ADARB2: variants seen among roughly 807,000 people sequenced by gnomAD.
ADARB2 encodes inactive double-stranded RNA-specific editase B2.
In ADARB2, 25 loss-of-function variants were observed where a neutral mutation model predicts 62.2. That is an observed-to-expected ratio of 0.40 (90% confidence interval 0.29 to 0.56). The LOEUF is 0.56. Ranked by LOEUF, ADARB2 falls within the 20% of genes least tolerant of loss-of-function variation. ADARB2 has a pLI of 0.43. For missense variants in ADARB2, 1,071 were observed against 1,077.4 expected, an observed-to-expected ratio of 0.99 and a Z score of 0.08; for synonymous variants, 572 against 500.8, an observed-to-expected ratio of 1.14 and a Z score of -1.90.
rs1273036707 is a variant in ADARB2, at chr10:1,675,147, CAGGG to C, written c.100+61900_100+61903del. 2.6e-4 allele frequency: 249 copies of C among 969,844 alleles called. 6 individuals are homozygous for C. The African/African-American group carries it at 4.4e-3, about 17-fold the overall frequency. The allele number at this position is 969,844 out of a possible 1,614,324, so 60.1% of individuals were successfully genotyped here. Reference sequence around the variant, plus strand: ...CATGGATGTTCTGGAGGTTTAGGTTCAGGGATGCATGGAAGTTCTGGAGGTTTGG... The same window carrying C: ...CATGGATGTTCTGGAGGTTTAGGTTCATGCATGGAAGTTCTGGAGGTTTGG... On this transcript the variant is annotated intron_variant, in intron 1 of 9. Coordinates refer to ENST00000381312, the MANE Select transcript of ADARB2 (RefSeq NM_018702.4).
chr10:1,332,345 G>A (rs1198803263), intron 3 of ADARB2, among the ~76,000 whole-genome samples: 1 of 151,924 alleles, frequency 6.6e-6, no homozygotes, highest in Non-Finnish European at 1.5e-5. Flanking sequence ...GAGCCCGGGA[G>A]GTTGAGGCTG....
In ADARB2 at chr10:1,388,533, G is replaced by A. The variant is rs187150178; in HGVS notation, c.101-9373C>T. Among the ~76,000 whole-genome samples the A allele has an allele frequency of 1.1e-3, 172 of 152,202 alleles. 1 individual carries two copies. The Middle Eastern group carries it at 0.034, about 30-fold the overall frequency. ...GTGAATTCAGCAAGGTCACAGGACA[G>A]AACTCCAATACACAAAAGTCTACAT... On this transcript the variant is annotated intron_variant, in intron 1 of 9. Coordinates refer to ENST00000381312, the MANE Select transcript of ADARB2 (RefSeq NM_018702.4).
At chr10:1,265,901 C>A (rs1351021357) in intron 4 of ADARB2, among the ~76,000 whole-genome samples, 1 of 113,018 alleles carries the variant, frequency 8.8e-6, no homozygotes, top group Admixed American at 8.4e-5. Flanking sequence ...CAGGGTCCCC[C>A]GGAAGACGGC....
chr10:1,474,815 G>A (rs1002994328), intron 1 of ADARB2, among the ~76,000 whole-genome samples: 3 of 152,196 alleles, frequency 2.0e-5, no homozygotes, highest in Non-Finnish European at 4.4e-5. Flanking sequence ...AAACGCCTGT[G>A]TAAGAGTGCT....
chr10:1,450,520 G>C (rs1831023006), intron 1 of ADARB2, among the ~76,000 whole-genome samples: 1 of 152,202 alleles, frequency 6.6e-6, no homozygotes, highest in Admixed American at 6.5e-5. Context: ...TCGCCCCCTT[G>C]GATCTGTCAC....
rs1457424329 is a variant in ADARB2 at position 1,185,123 on chromosome 10, G to A, written c.1865-84C>T. On this transcript the variant is annotated intron_variant, in intron 8 of 9. Coordinates refer to ENST00000381312, the MANE Select transcript of ADARB2 (RefSeq NM_018702.4). ...CCAAGGGCAGCTGCGGGGAAATGGA[G>A]CCTGTATGTGAGTGGGAATGGTCCT... is the stretch of plus-strand genomic sequence containing the variant. 11 of 1,470,888 alleles carry A rather than the reference G, an allele frequency of 7.5e-6. No individual in the cohort carries two copies. The East Asian group carries it at 2.4e-4, about 32-fold the overall frequency. The allele number at this position is 1,470,888 out of a possible 1,614,324, so 91.1% of individuals were successfully genotyped here. A position where few individuals can be genotyped will look rare whatever the true frequency, so the allele number is the denominator to read the frequency against.
At chr10:1,287,833 G>C (rs563114875) in intron 3 of ADARB2, among the ~76,000 whole-genome samples, 4 of 152,338 alleles carry the variant, frequency 2.6e-5, no homozygotes, top group African/African-American at 7.2e-5. Flanking sequence ...TATGCCGTCG[G>C]CTGTGTGGCC....
chr10:1,184,874 C>G lies in ADARB2; in HGVS notation c.2030G>C (p.Arg677Pro), dbSNP rs202198509. The G allele has an allele frequency of 1.9e-6, 3 of 1,613,226 alleles. No homozygotes were observed. Among genetic ancestry groups the G allele is most frequent in the East Asian group, 2.2e-5 (1 of 44,858 alleles). The part of the protein sequence containing the change: ...CKHVLSARWA[R>P]LYGRLSTRTP... ...GGTGCGACCTACCCTGCCATACAGC[C>G]GCGCCCACCGTGCAGACAGCACGTG... The change falls in exon 9 of 10, where the codon CGG becomes CCG. Residue 677 changes from arginine (R) to proline (P), a missense_variant. Arg to Pro is a moderately radical substitution (Grantham distance 103, BLOSUM62 -2). Coordinates refer to ENST00000381312, the MANE Select transcript of ADARB2 (RefSeq NM_018702.4).
chr10:1,377,494 T>C (rs895353639), intron 2 of ADARB2, among the ~76,000 whole-genome samples: 4 of 150,342 alleles, frequency 2.7e-5, no homozygotes, highest in Admixed American at 6.6e-5. Context: ...CATGTGTGTG[T>C]GCGCTCCTGG....
chr10:1,437,243 C>T (rs374511307), intron 1 of ADARB2, among the ~76,000 whole-genome samples: 8 of 102,978 alleles, frequency 7.8e-5, no homozygotes, highest in African/African-American at 2.7e-4. Flanking sequence ...CACACACACA[C>T]ATATATATAC....
At chr10:1,553,697 A>G (rs995136053) in intron 1 of ADARB2, among the ~76,000 whole-genome samples, 1 of 152,184 alleles carries the variant, frequency 6.6e-6, no homozygotes, top group African/African-American at 2.4e-5. Flanking sequence ...AAGCCTAAAA[A>G]TACATGCTTT....
chr10:1,354,049 C>T (rs7919065), intron 3 of ADARB2, among the ~76,000 whole-genome samples: 11,292 of 152,094 alleles, frequency 0.074, 766 homozygotes, highest in African/African-American at 0.18. Flanking sequence ...CAAAATCATC[C>T]TTCAGCTTAA....
chr10:1,429,798 C>G (rs891173329), intron 1 of ADARB2, among the ~76,000 whole-genome samples: 1 of 152,166 alleles, frequency 6.6e-6, no homozygotes, highest in African/African-American at 2.4e-5. Context: ...CCTTATCTAA[C>G]TGCTTTTTTC....
At chr10:1,191,165 G>A (rs968293483) in intron 8 of ADARB2, among the ~76,000 whole-genome samples, 4 of 152,228 alleles carry the variant, frequency 2.6e-5, no homozygotes, top group African/African-American at 9.6e-5. Flanking sequence ...TTTGCAGGTG[G>A]CAGCTCATGG....
intron 6 of ADARB2, among the ~76,000 whole-genome samples, chr10:1,229,058 G>A (rs545190655): frequency 1.3e-5 from 2 of 152,322 alleles, no homozygotes; most frequent in South Asian, 2.1e-4. Flanking sequence ...TGATAGATAA[G>A]CCAGAGCTGG....
rs186537303 is a variant in ADARB2, at chr10:1,635,009, G to A, written c.100+102042C>T. Among the ~76,000 whole-genome samples, 813 of 152,286 alleles carry A rather than the reference G, an allele frequency of 5.3e-3. 4 individuals are homozygous for A. The highest frequency in any genetic ancestry group is 0.02 in the Middle Eastern group (6 of 294). On this transcript the variant is annotated intron_variant, in intron 1 of 9. Transcript: ENST00000381312. ...TTTTCATTTCAACCCTGGAAAGCTGGCATAAACTTAAATATTTCTCTGGAT... is the reference window on the plus strand; with the variant it reads ...TTTTCATTTCAACCCTGGAAAGCTGACATAAACTTAAATATTTCTCTGGAT...
chr10:1,231,848 G>C (rs1351133733), intron 6 of ADARB2, among the ~76,000 whole-genome samples: 3 of 152,102 alleles, frequency 2.0e-5, no homozygotes, highest in Non-Finnish European at 4.4e-5. Flanking sequence ...AATGTTTCTG[G>C]GCCAGCATCC....
intron 3 of ADARB2, among the ~76,000 whole-genome samples, chr10:1,307,347 T>C (rs1439972357): frequency 1.5e-5 from 2 of 136,422 alleles, no homozygotes; most frequent in Non-Finnish European, 3.2e-5. Context: ...CATCACTGGC[T>C]ATCAGAGAAA....
In ADARB2 at chr10:1,307,745, C is replaced by T. The variant is rs1158745794; in HGVS notation, c.1078-36676G>A. ...CACATATATACCATGGAATACTATGCAGCCATGAAAAATGACGAGTTCATG... is the reference window on the plus strand; with the variant it reads ...CACATATATACCATGGAATACTATGTAGCCATGAAAAATGACGAGTTCATG... On this transcript the variant is annotated intron_variant, in intron 3 of 9. Coordinates refer to ENST00000381312, the MANE Select transcript of ADARB2 (RefSeq NM_018702.4). Among the ~76,000 whole-genome samples, 47 of 86,404 alleles carry T rather than the reference C, an allele frequency of 5.4e-4. 2 individuals are homozygous for T. Among genetic ancestry groups the T allele is most frequent in the African/African-American group, 1.7e-3 (43 of 25,010 alleles). 56.7% of individuals were successfully genotyped at this position (86,404 alleles called of 152,430 possible).
Sources: allele counts gnomAD v4.1 joint callset (sites outside exome capture counted in the v4.1 genomes callset), GRCh38; gene constraint gnomAD v4.1.1; transcripts MANE v1.5; gene names NCBI Gene and HGNC (gene_info 2026-07-23, HGNC 2026-07-21).